DMD: variants seen among roughly 807,000 people sequenced by gnomAD.
DMD encodes mutant dystrophin.
DMD carries 63 observed loss-of-function variants against 330.1 expected under a neutral mutation model. The observed-to-expected ratio is 0.19, with a 90% CI of 0.16 to 0.24. The LOEUF is 0.24. Ranked by LOEUF, DMD falls within the 10% of genes least tolerant of loss-of-function variation. DMD has a pLI of 1.00. For synonymous variants in DMD, 1,223 were observed against 959.8 expected (o/e 1.27, Z -5.07); for missense variants, 3,344 against 2,684.1 (o/e 1.25, Z -5.43).
At chrX:32,654,347 GTTT>G (rs890403956) in intron 9 of DMD, among the ~76,000 whole-genome samples, 1 of 111,666 alleles carries the variant, frequency 9.0e-6, no homozygotes, top group African/African-American at 3.3e-5. Context: ...TTTATTGAGA[GTTT>G]TTAGCATGAA....
rs72468675 is a variant in DMD at position 32,472,396 on chromosome X, T to G, written c.2804-87A>C. 1.1e-3 allele frequency: 991 copies of G among 894,589 alleles called. 7 individuals are homozygous for G. In the African/African-American group the frequency reaches 0.018, roughly 16 times the overall value. The allele number at this position is 894,589 out of a possible 1,213,427, so 73.7% of individuals were successfully genotyped here. On this transcript the variant is annotated intron_variant, in intron 21 of 78. Coordinates refer to ENST00000357033, the MANE Select transcript of DMD (RefSeq NM_004006.3). ...CCTAAATTGTCAGCAAACTCAATTATATTACTAGTTTCAAATATTAACAAA... is the reference window on the plus strand; with the variant it reads ...CCTAAATTGTCAGCAAACTCAATTAGATTACTAGTTTCAAATATTAACAAA...
In DMD at chrX:32,585,699, C is replaced by CAAAAAAAAAAAAAAAAAAAAAA. The variant is rs61394183; in HGVS notation, c.1602+10036_1602+10057dup. ...TGGGTGACAGAGCAGGACTCCGTCT[C>CAAAAAAAAAAAAAAAAAAAAAA]AAAAAAAAAAAAAAAAAAAAAAAAA... On this transcript the variant is annotated intron_variant, in intron 13 of 78. Transcript: ENST00000357033. Among the ~76,000 whole-genome samples the CAAAAAAAAAAAAAAAAAAAAAA allele has an allele frequency of 7.5e-4, 24 of 31,931 alleles. 1 individual carries two copies. Among genetic ancestry groups the CAAAAAAAAAAAAAAAAAAAAAA allele is most frequent in the Non-Finnish European group, 1.3e-3 (23 of 17,955 alleles). The allele number at this position is 31,931 out of a possible 115,157, so 27.7% of individuals were successfully genotyped here. A position where few individuals can be genotyped will look rare whatever the true frequency, so the allele number is the denominator to read the frequency against.
intron 59 of DMD, among the ~76,000 whole-genome samples, chrX:31,461,201 G>A (rs1799563227): frequency 9.0e-6 from 1 of 111,694 alleles, no homozygotes; most frequent in Non-Finnish European, 1.9e-5. Flanking sequence ...AATAATAAAT[G>A]ATATATTTAT....
chrX:31,158,080 C>T (rs1569370839), intron 74 of DMD, among the ~76,000 whole-genome samples: 1 of 111,436 alleles, frequency 9.0e-6, no homozygotes, highest in Non-Finnish European at 1.9e-5. Flanking sequence ...GTTGGGTTTA[C>T]AGGTGTGAGC....
chrX:31,899,459 A>T (rs1035982259), intron 47 of DMD, among the ~76,000 whole-genome samples: 2 of 110,773 alleles, frequency 1.8e-5, no homozygotes, highest in African/African-American at 6.6e-5. Flanking sequence ...GACTGAAAAA[A>T]AGTGAAGTCC....
intron 1 of DMD, among the ~76,000 whole-genome samples, chrX:33,145,436 ATGTTTCT>A (rs1227411603): frequency 1.8e-5 from 2 of 111,489 alleles, no homozygotes; most frequent in African/African-American, 6.5e-5. Flanking sequence ...TTTATCTGAT[ATGTTTCT>A]TGTTTATTTA....
chrX:31,637,434 G>C (rs776494750), intron 54 of DMD, among the ~76,000 whole-genome samples: 1 of 111,300 alleles, frequency 9.0e-6, no homozygotes, highest in Admixed American at 9.6e-5. Flanking sequence ...TCAATTAGAA[G>C]TACAACATGA....
intron 17 of DMD, among the ~76,000 whole-genome samples, chrX:32,529,746 A>C (rs1280371433): frequency 9.0e-6 from 1 of 111,151 alleles, no homozygotes; most frequent in African/African-American, 3.3e-5. Flanking sequence ...AATCAAATTA[A>C]ATAAAATCTA....
At chrX:32,776,061 G>T (rs2074108138) in intron 7 of DMD, among the ~76,000 whole-genome samples, 1 of 111,598 alleles carries the variant, frequency 9.0e-6, no homozygotes, top group Non-Finnish European at 1.9e-5. Flanking sequence ...CAAGTTCAAA[G>T]TTCCACAGAT....
chrX:31,831,998 TC>T (rs1425921397), intron 49 of DMD, among the ~76,000 whole-genome samples: 3 of 112,778 alleles, frequency 2.7e-5, no homozygotes, highest in Non-Finnish European at 3.7e-5. Context: ...AGAAGTCCTC[TC>T]CCAACTTATT....
intron 42 of DMD, among the ~76,000 whole-genome samples, chrX:32,306,685 C>A (rs1477320176): frequency 9.2e-6 from 1 of 109,239 alleles, no homozygotes; most frequent in African/African-American, 3.3e-5. Flanking sequence ...TTCAATTCTC[C>A]CTCCCTCCTT....
At chrX:32,743,918 T>C (rs769883927) in intron 7 of DMD, among the ~76,000 whole-genome samples, 27 of 111,431 alleles carry the variant, frequency 2.4e-4, no homozygotes, top group Non-Finnish European at 4.9e-4. Flanking sequence ...CAGTTCCCTA[T>C]ATATTTTACA....
rs2083572686 is a variant in DMD, at chrX:31,698,273, T to C, written c.7661-18687A>G. Among the ~76,000 whole-genome samples the C allele has an allele frequency of 1.8e-5, 2 of 111,632 alleles. 1 individual carries two copies. The highest frequency in any genetic ancestry group is 1.9e-4 in the Admixed American group (2 of 10,528). On this transcript the variant is annotated intron_variant, in intron 52 of 78. Transcript: ENST00000357033. ...GTGGGCAACTCTAAAGGAAAAATGA[T>C]CCCAATTGCAGTTAAGACAAAGATT...
At chrX:32,902,315 A>G (rs1385763646) in intron 2 of DMD, among the ~76,000 whole-genome samples, 2 of 110,558 alleles carry the variant, frequency 1.8e-5, no homozygotes. Flanking sequence ...TCCAGCAGAA[A>G]GCGAGGTGCA....
chrX:31,196,985 G>A (rs1569451847), intron 67 of DMD, among the ~76,000 whole-genome samples: 2 of 110,496 alleles, frequency 1.8e-5, no homozygotes, highest in Admixed American at 9.7e-5. Context: ...CACAGATGAT[G>A]TTTTGTTATA....
At chrX:32,053,645 G>A (rs905821725) in intron 44 of DMD, among the ~76,000 whole-genome samples, 6 of 110,760 alleles carry the variant, frequency 5.4e-5, no homozygotes, top group Non-Finnish European at 1.1e-4. Flanking sequence ...TTGTCACTAT[G>A]CCTTTGTTCC....
intron 2 of DMD, among the ~76,000 whole-genome samples, chrX:32,983,780 A>G (rs1191591872): frequency 9.0e-6 from 1 of 111,161 alleles, no homozygotes; most frequent in Non-Finnish European, 1.9e-5. Context: ...TTAAAAGTCA[A>G]TTTTGATTTT....
At chrX:31,581,398 T>C (rs1269111420) in intron 55 of DMD, among the ~76,000 whole-genome samples, 1 of 112,047 alleles carries the variant, frequency 8.9e-6, no homozygotes, top group Non-Finnish European at 1.9e-5. Context: ...GCTTAACCCA[T>C]GGTGCATTAA....
At chrX:32,736,921 A>G (rs868730346) in intron 7 of DMD, among the ~76,000 whole-genome samples, 22 of 111,496 alleles carry the variant, frequency 2.0e-4, no homozygotes, top group South Asian at 7.5e-4. Context: ...TATAATAATA[A>G]AAGAAAAAAA....
Sources: allele counts gnomAD v4.1 joint callset (sites outside exome capture counted in the v4.1 genomes callset), GRCh38; gene constraint gnomAD v4.1.1; transcripts MANE v1.5; gene names NCBI Gene and HGNC (gene_info 2026-07-23, HGNC 2026-07-21).